Variants in PKNOX2 observed in about 807,000 individuals in gnomAD.
PKNOX2 encodes the protein homeobox protein PKNOX2.
PKNOX2 carries 14 observed loss-of-function variants against 53.1 expected under a neutral mutation model. The ratio of observed to expected loss-of-function variants is 0.26; its 90% CI spans 0.17 to 0.41. The LOEUF is 0.41. Among genes scored for constraint, PKNOX2 ranks in the 10% least tolerant of loss-of-function variants. The pLI, the probability that PKNOX2 is intolerant of heterozygous loss-of-function variation, is 1.00. For missense variants in PKNOX2, 496 were observed against 602.8 expected, an observed-to-expected ratio of 0.82 and a Z score of 1.85; for synonymous variants, 257 against 242.8, an observed-to-expected ratio of 1.06 and a Z score of -0.54.
chr11:125,360,004 G>T (rs544983278), intron 4 of PKNOX2, among the ~76,000 whole-genome samples: 1 of 152,186 alleles, frequency 6.6e-6, no homozygotes, highest in East Asian at 1.9e-4. Context: ...GATTACAGGC[G>T]TGAGCCACCA....
rs1954999029 is a variant in PKNOX2, at chr11:125,167,692, G to A, written c.-201+2916G>A. ...CCTCTCTGGGAGTTTACTGCTCTCTGCTTTTAAGTCTATAGATTGCTTTAA... is the reference window on the plus strand; with the variant it reads ...CCTCTCTGGGAGTTTACTGCTCTCTACTTTTAAGTCTATAGATTGCTTTAA... On this transcript the variant is annotated intron_variant, in intron 1 of 12. Transcript: ENST00000298282. 1.3e-5 allele frequency among the ~76,000 whole-genome samples: 2 copies of A among 152,194 alleles called. 1 individual carries two copies. Among genetic ancestry groups the A allele is most frequent in the South Asian group, 4.1e-4 (2 of 4,830 alleles).
At chr11:125,214,132 A>G (rs1290342031) in intron 1 of PKNOX2, among the ~76,000 whole-genome samples, 1 of 152,062 alleles carries the variant, frequency 6.6e-6, no homozygotes, top group Non-Finnish European at 1.5e-5. Context: ...TGGGGAATCA[A>G]ACTCAGTTCT....
At chr11:125,313,493 G>A (rs1948958918) in intron 2 of PKNOX2, among the ~76,000 whole-genome samples, 1 of 152,164 alleles carries the variant, frequency 6.6e-6, no homozygotes, top group Non-Finnish European at 1.5e-5. Context: ...CAGAGCTCCT[G>A]CTGGCTGTGA....
chr11:125,197,652 G>GC (rs200988976), intron 1 of PKNOX2, among the ~76,000 whole-genome samples: 2,406 of 152,076 alleles, frequency 0.016, 61 homozygotes, highest in African/African-American at 0.054. Flanking sequence ...CAAAGCAGAG[G>GC]AAAAACAACA....
chr11:125,408,603 A>T (rs1260468842), intron 7 of PKNOX2, among the ~76,000 whole-genome samples: 1 of 152,156 alleles, frequency 6.6e-6, no homozygotes, highest in Non-Finnish European at 1.5e-5. Flanking sequence ...CCAGGAGAGT[A>T]AAAAAAGGCA....
chr11:125,332,732 C>T (rs1950210015), intron 3 of PKNOX2: 3 of 152,126 alleles, frequency 2.0e-5, no homozygotes, highest in Admixed American at 6.5e-5. Flanking sequence ...TTTTACAGTT[C>T]ATCAGTCTCC....
chr11:125,259,708 C>T (rs550178729), intron 2 of PKNOX2, among the ~76,000 whole-genome samples: 5 of 152,244 alleles, frequency 3.3e-5, no homozygotes, highest in Admixed American at 1.3e-4. Flanking sequence ...AGGCCTGGCC[C>T]ACACTGGGCC....
chr11:125,217,189 C>A (rs778301424), intron 1 of PKNOX2, among the ~76,000 whole-genome samples: 2 of 152,108 alleles, frequency 1.3e-5, no homozygotes, highest in Non-Finnish European at 2.9e-5. Context: ...TGAGAGAAGC[C>A]TTTTCTAGGA....
Position 125,417,516 on chromosome 11 carries a change from A to G in PKNOX2, c.936+5651A>G, listed in dbSNP as rs371051883. On this transcript the variant is annotated intron_variant, in intron 10 of 12. Transcript: ENST00000298282. ...TACAATTCGCCTCATTTTACCAGTG[A>G]CAAAACTGACACTCGAAGAAGGCAA... Among the ~76,000 whole-genome samples, 7 of 152,176 alleles carry G rather than the reference A, an allele frequency of 4.6e-5. No homozygotes were observed. In the South Asian group the frequency reaches 1.5e-3, roughly 32 times the overall value.
At chr11:125,425,423 C>G (rs1311899179) in intron 10 of PKNOX2, among the ~76,000 whole-genome samples, 1 of 152,182 alleles carries the variant, frequency 6.6e-6, no homozygotes, top group African/African-American at 2.4e-5. Context: ...TGAACTGTAT[C>G]TACTTCTTTT....
Position 125,361,902 on chromosome 11 carries a change from G to A in PKNOX2, c.88-5944G>A, listed in dbSNP as rs150562858. ...GTTTCCTGTGGGCTCTCGGCCTCCA[G>A]GCTCCTCATAGCCTGGGAGGGAATT... On this transcript the variant is annotated intron_variant, in intron 4 of 12. Transcript: ENST00000298282. Among the ~76,000 whole-genome samples the A allele has an allele frequency of 1.5e-3, 226 of 152,352 alleles. 1 individual carries two copies. The highest frequency in any genetic ancestry group is 0.012 in the Admixed American group (186 of 15,312).
chr11:125,298,820 C>T (rs560810096), intron 2 of PKNOX2, among the ~76,000 whole-genome samples: 1 of 152,352 alleles, frequency 6.6e-6, no homozygotes, highest in Non-Finnish European at 1.5e-5. Flanking sequence ...CTGTGGCACA[C>T]TTGTAGGGCA....
chr11:125,196,762 G>A (rs922175820), intron 1 of PKNOX2, among the ~76,000 whole-genome samples: 21 of 152,200 alleles, frequency 1.4e-4, no homozygotes, highest in African/African-American at 4.6e-4. Flanking sequence ...AATTTTCCAT[G>A]ATTCTAAGTA....
chr11:125,199,330 G>T (rs923978981), intron 1 of PKNOX2, among the ~76,000 whole-genome samples: 2 of 152,134 alleles, frequency 1.3e-5, no homozygotes, highest in Non-Finnish European at 2.9e-5. Context: ...TCCCACCATT[G>T]CCCAGGTACC....
intron 1 of PKNOX2, among the ~76,000 whole-genome samples, chr11:125,214,776 T>TTC (rs1940286682): frequency 6.6e-6 from 1 of 151,992 alleles, no homozygotes; most frequent in African/African-American, 2.4e-5. Context: ...CCTCCTCTTT[T>TTC]TCTCTCTCTT....
chr11:125,373,646 G>A (rs114957151), intron 5 of PKNOX2, among the ~76,000 whole-genome samples: 2,907 of 152,262 alleles, frequency 0.019, 102 homozygotes, highest in African/African-American at 0.066. Context: ...GAGAGGCGGC[G>A]CAGCAAGAGG....
intron 3 of PKNOX2, among the ~76,000 whole-genome samples, chr11:125,341,354 C>T (rs1049244579): frequency 6.1e-5 from 9 of 148,644 alleles, no homozygotes; most frequent in South Asian, 2.2e-4. Context: ...AGCAAGATTC[C>T]GTCTCAAAAA....
chr11:125,295,372 T>C (rs2135930920), intron 2 of PKNOX2, among the ~76,000 whole-genome samples: 1 of 152,260 alleles, frequency 6.6e-6, no homozygotes, highest in East Asian at 1.9e-4. Context: ...ATATATAGAT[T>C]TGAGAATCAA....
At chr11:125,199,044 T>A (rs1938122154) in intron 1 of PKNOX2, among the ~76,000 whole-genome samples, 1 of 152,154 alleles carries the variant, frequency 6.6e-6, no homozygotes, top group African/African-American at 2.4e-5. Context: ...TTTTGTCATG[T>A]TGGCCAGGCT....
Sources: gnomAD v4.1 joint callset for allele counts (sites outside exome capture counted in the v4.1 genomes callset) on GRCh38, gnomAD v4.1.1 for gene constraint, MANE v1.5 for transcripts, NCBI Gene and HGNC (gene_info 2026-07-23, HGNC 2026-07-21) for gene names.